FRMD4A: variants seen among roughly 807,000 people sequenced by gnomAD.
The protein encoded by FRMD4A is FERM domain containing 4A, also known as FERM domain-containing protein 4A.
A neutral mutation model predicts 129.1 loss-of-function variants in FRMD4A; 29 were observed. That is an observed-to-expected ratio of 0.22 (90% CI 0.17 to 0.31). The LOEUF (loss-of-function observed/expected upper bound fraction) is 0.31, where lower values mean the gene tolerates loss of function less well. Ranked by LOEUF, FRMD4A falls within the 10% of genes least tolerant of loss-of-function variation. The probability of loss-of-function intolerance (pLI) is 1.00; values close to 1 mark genes in which losing one functional copy is unlikely to be tolerated. For missense variants in FRMD4A, 1,272 were observed against 1,375.8 expected, an observed-to-expected ratio of 0.92 and a Z score of 1.19; for synonymous variants, 634 against 571.6, an observed-to-expected ratio of 1.11 and a Z score of -1.56.
chr10:13,930,943 C>T (rs1353284781), intron 2 of FRMD4A, among the ~76,000 whole-genome samples: 2 of 152,084 alleles, frequency 1.3e-5, no homozygotes. Context: ...GAAGATCCTC[C>T]TCCCTCAGCC....
chr10:14,218,499 C>T (rs1433252977), intron 2 of FRMD4A, among the ~76,000 whole-genome samples: 1 of 152,164 alleles, frequency 6.6e-6, no homozygotes, highest in African/African-American at 2.4e-5. Context: ...TTTGTATTTA[C>T]AATCTCATGT....
chr10:13,771,361 C>A (rs1056435359), intron 6 of FRMD4A, among the ~76,000 whole-genome samples: 4 of 152,208 alleles, frequency 2.6e-5, no homozygotes, highest in Non-Finnish European at 4.4e-5. Context: ...GTATGAGCCA[C>A]CACGCCTGGC....
intron 2 of FRMD4A, among the ~76,000 whole-genome samples, chr10:13,978,550 T>A (rs1158137681): frequency 6.6e-6 from 1 of 152,150 alleles, no homozygotes; most frequent in Non-Finnish European, 1.5e-5. Flanking sequence ...TACGGCTAAC[T>A]GAGTGGGTGA....
At chr10:14,047,572 C>A (rs149682059) in intron 2 of FRMD4A, among the ~76,000 whole-genome samples, 1 of 152,280 alleles carries the variant, frequency 6.6e-6, no homozygotes, top group East Asian at 1.9e-4. Context: ...CTTACATATT[C>A]TTGTAAATTT....
chr10:14,185,237 T>G (rs537448948), intron 2 of FRMD4A, among the ~76,000 whole-genome samples: 16 of 152,344 alleles, frequency 1.1e-4, no homozygotes, highest in African/African-American at 2.6e-4. Context: ...TGCATGTCTA[T>G]TTCAAGAAGC....
intron 2 of FRMD4A, among the ~76,000 whole-genome samples, chr10:14,197,409 G>C (rs1297309434): frequency 6.6e-6 from 1 of 152,146 alleles, no homozygotes; most frequent in African/African-American, 2.4e-5. Flanking sequence ...TTTTGAGATG[G>C]AGTCTAGCTC....
Position 13,847,889 on chromosome 10 carries a change from T to A in FRMD4A, c.111+10958A>T, listed in dbSNP as rs552489023. Among the ~76,000 whole-genome samples the A allele has an allele frequency of 5.3e-5, 8 of 152,334 alleles. No homozygotes were observed. The East Asian group carries it at 1.3e-3, about 26-fold the overall frequency. ...TTTACCAAACAAGCAAGAACTTGAA[T>A]TAAGCAATGTGCCCAAAATCAAACT... is the stretch of plus-strand genomic sequence containing the variant. On this transcript the variant is annotated intron_variant, in intron 3 of 24. Coordinates refer to ENST00000357447, the MANE Select transcript of FRMD4A (RefSeq NM_018027.5).
intron 23 of FRMD4A, 130 bp downstream of exon 23, chr10:13,654,286 G>A (rs1236069069): frequency 1.4e-6 from 1 of 720,084 alleles, no homozygotes. Context: ...GGCTTCTCTT[G>A]AAAGGAAGAC....
chr10:14,100,768 C>A (rs564378966), intron 2 of FRMD4A, among the ~76,000 whole-genome samples: 5 of 152,062 alleles, frequency 3.3e-5, no homozygotes, highest in Non-Finnish European at 7.4e-5. Flanking sequence ...CCCCACCCTA[C>A]TTCCTATACT....
intron 2 of FRMD4A, among the ~76,000 whole-genome samples, chr10:13,938,194 G>A (rs550939893): frequency 1.3e-4 from 20 of 152,174 alleles, no homozygotes; most frequent in Middle Eastern, 3.4e-3. Context: ...AGTTTTCCTT[G>A]TGTTCAGAAA....
At chr10:14,320,047 T>C (rs1382018104) in intron 2 of FRMD4A, among the ~76,000 whole-genome samples, 1 of 152,002 alleles carries the variant, frequency 6.6e-6, no homozygotes, top group Admixed American at 6.6e-5. Context: ...TCAGAATTCA[T>C]TCCCCTTCCT....
chr10:14,211,544 G>A (rs1341395795), intron 2 of FRMD4A, among the ~76,000 whole-genome samples: 1 of 152,076 alleles, frequency 6.6e-6, no homozygotes, highest in Admixed American at 6.5e-5. Context: ...TCTGTCAAGA[G>A]CCAGTTCCTA....
chr10:13,778,221 G>A (rs2092647044), intron 6 of FRMD4A, among the ~76,000 whole-genome samples: 1 of 151,666 alleles, frequency 6.6e-6, no homozygotes, highest in Non-Finnish European at 1.5e-5. Context: ...GTTTCAAAGC[G>A]CTTTCACATT....
rs190132335 is a variant in FRMD4A at position 14,273,807 on chromosome 10, T to C, written c.45+56251A>G. On this transcript the variant is annotated intron_variant, in intron 2 of 24. Coordinates refer to ENST00000357447, the MANE Select transcript of FRMD4A (RefSeq NM_018027.5). ...GTCCTTTGATAAAAATTGATGGATA[T>C]TGAGAGCCAGGCTGTCTCATAGAAA... Among the ~76,000 whole-genome samples the C allele has an allele frequency of 1.4e-3, 207 of 152,278 alleles. 1 individual carries two copies. The highest frequency in any genetic ancestry group is 1.9e-3 in the Non-Finnish European group (132 of 68,018).
chr10:14,263,184 C>T (rs777986282), intron 2 of FRMD4A, among the ~76,000 whole-genome samples: 1 of 152,158 alleles, frequency 6.6e-6, no homozygotes, highest in Non-Finnish European at 1.5e-5. Flanking sequence ...GAAACAAATG[C>T]CCACTTTTAG....
intron 2 of FRMD4A, among the ~76,000 whole-genome samples, chr10:13,994,412 C>G (rs1402832663): frequency 1.3e-5 from 2 of 152,032 alleles, no homozygotes; most frequent in Admixed American, 6.6e-5. Context: ...CTCCCGACCT[C>G]ATGATCTGCC....
At chr10:14,193,001 C>T (rs189535890) in intron 2 of FRMD4A, among the ~76,000 whole-genome samples, 51 of 152,322 alleles carry the variant, frequency 3.3e-4, no homozygotes, top group African/African-American at 1.2e-3. Flanking sequence ...TTTGCTGACT[C>T]CAACATCAAG....
At chr10:13,972,554 G>T (rs2095524576) in intron 2 of FRMD4A, among the ~76,000 whole-genome samples, 1 of 150,968 alleles carries the variant, frequency 6.6e-6, no homozygotes, top group South Asian at 2.1e-4. Flanking sequence ...TTTTCGCCCC[G>T]CATGAGGGGT....
intron 2 of FRMD4A, among the ~76,000 whole-genome samples, chr10:14,263,901 C>T (rs757981654): frequency 6.6e-6 from 1 of 152,146 alleles, no homozygotes; most frequent in Non-Finnish European, 1.5e-5. Flanking sequence ...TAGATTGGAA[C>T]TGGGGAATAA....
Sources: gnomAD v4.1 joint callset for allele counts (sites outside exome capture counted in the v4.1 genomes callset) on GRCh38, gnomAD v4.1.1 for gene constraint, MANE v1.5 for transcripts, NCBI Gene and HGNC (gene_info 2026-07-23, HGNC 2026-07-21) for gene names.